Variants in NDUFAF4 observed in about 807,000 individuals in gnomAD.
NDUFAF4 encodes NADH dehydrogenase [ubiquinone] 1 alpha subcomplex assembly factor 4.
Under a neutral mutation model 15.6 loss-of-function variants are expected in NDUFAF4, and 10 were observed. The ratio of observed to expected loss-of-function variants is 0.64; its 90% CI spans 0.40 to 1.09. The LOEUF is 1.09. Among genes scored for constraint, NDUFAF4 ranks in the 50% least tolerant of loss-of-function variants. The pLI is 0.01. For missense variants in NDUFAF4, 203 were observed against 207.3 expected (o/e 0.98, Z 0.13); for synonymous variants, 77 against 73.3 (o/e 1.05, Z -0.26).
At chr6:96,897,644 G>A (rs1328163652) in intron 1 of NDUFAF4, 22 bp downstream of exon 1, 1 of 1,612,816 alleles carries the variant, frequency 6.2e-7, no homozygotes. Context: ...CCCGGGCCCC[G>A]AAACGCCCTC....
chr6:96,892,199 A>G (rs1775324771), intron 2 of NDUFAF4, among the ~76,000 whole-genome samples: 1 of 152,100 alleles, frequency 6.6e-6, no homozygotes, highest in Admixed American at 6.6e-5. Flanking sequence ...AACACCTTGA[A>G]TGAATTGAAA....
chr6:96,892,562 T>A (rs565676607), intron 2 of NDUFAF4, among the ~76,000 whole-genome samples: 1 of 152,184 alleles, frequency 6.6e-6, no homozygotes, highest in Non-Finnish European at 1.5e-5. Flanking sequence ...CTATCTCTAA[T>A]GACTGCCTAG....
intron 2 of NDUFAF4, among the ~76,000 whole-genome samples, chr6:96,896,499 A>C (rs1282073701): frequency 6.6e-6 from 1 of 152,256 alleles, no homozygotes; most frequent in African/African-American, 2.4e-5. Flanking sequence ...ACTATGAAAT[A>C]ATTCACACAG....
Position 96,891,364 on chromosome 6 carries a change from G to A in NDUFAF4, c.268C>T (p.Pro90Ser), listed in dbSNP as rs1775313687. 6.2e-7 allele frequency: 1 copy of A among 1,611,664 alleles called. No homozygotes were observed. The highest frequency in any genetic ancestry group is 8.5e-7 in the Non-Finnish European group (1 of 1,179,584). ...TCTTTCGGCAATCTGAATTCCTTCG[G>A]CTCTTGACATGTTTCAGCAGCTTTT... ...QVKAAETCQE[P>S]KEFRLPKDHH... is the part of the protein sequence containing the mutation. Residue 90 changes from proline to serine, a missense_variant, in exon 3 of 3, where the codon CCG becomes TCG. Physicochemically the swap from Pro to Ser is moderately conservative, Grantham distance 74. Coordinates refer to ENST00000316149, the MANE Select transcript of NDUFAF4 (RefSeq NM_014165.4).
intron 2 of NDUFAF4, among the ~76,000 whole-genome samples, chr6:96,892,652 T>C (rs903045285): frequency 6.6e-6 from 1 of 152,150 alleles, no homozygotes; most frequent in Non-Finnish European, 1.5e-5. Flanking sequence ...TGCTGACCAC[T>C]CCAATGTACT....
At chr6:96,896,900 T>C in intron 1 of NDUFAF4, 53 bp from the exon 2 acceptor site, 1 of 1,236,896 alleles carries the variant, frequency 8.1e-7, no homozygotes. Flanking sequence ...TTTCCTGTAA[T>C]ATCCTAAACG....
At position 96,896,797 on chromosome 6, in the gene NDUFAF4, A is replaced by C. The variant is rs768858162; in HGVS notation, c.187T>G (p.Ser63Ala). The C allele has an allele frequency of 1.4e-5, 22 of 1,613,828 alleles. No individual in the cohort carries two copies. In the South Asian group the frequency reaches 2.4e-4, roughly 18 times the overall value. The change falls in exon 2 of 3, where the codon TCG (serine) becomes GCG (alanine). Residue 63 changes from serine to alanine, a missense_variant. By Grantham distance (99) the Ser-to-Ala change is moderately conservative. Coordinates refer to ENST00000316149, the MANE Select transcript of NDUFAF4 (RefSeq NM_014165.4). ...TCAACATACACATCTTTTAGAAACG[A>C]CAGCAGCTTTTCATCTTTACGAGCA... is the stretch of plus-strand genomic sequence containing the variant. ...EIARKDEKLL[S>A]FLKDVYVDSK...
chr6:96,892,769 T>A (rs1030310712), intron 2 of NDUFAF4, among the ~76,000 whole-genome samples: 2 of 152,072 alleles, frequency 1.3e-5, no homozygotes, highest in African/African-American at 4.8e-5. Context: ...TCCTTTTGCT[T>A]ACCCTTAAAT....
intron 1 of NDUFAF4, among the ~76,000 whole-genome samples, chr6:96,897,421 C>G (rs1775396979): frequency 6.6e-6 from 1 of 152,178 alleles, no homozygotes; most frequent in Admixed American, 6.5e-5. Context: ...GCCTGGTTAG[C>G]GGGAGCACTG....
In NDUFAF4 at chr6:96,891,384, G is replaced by A. The variant is rs746642079; in HGVS notation, c.248C>T (p.Ala83Val). The change falls in exon 3 of 3, where the codon GCT (alanine) becomes GTT (valine). Residue 83 changes from alanine (A) to valine (V), a missense_variant. By Grantham distance (64) the Ala-to-Val change is moderately conservative. Transcript: ENST00000316149. The part of the protein sequence containing the change: ...KDPVSSLQVK[A>V]AETCQEPKEF... ...CTTCGGCTCTTGACATGTTTCAGCA[G>A]CTTTTACCTAGTATCAAAAAAAAAA... The A allele has an allele frequency of 6.3e-7, 1 of 1,578,894 alleles. No individual in the cohort carries two copies. The highest frequency in any genetic ancestry group is 8.5e-7 in the Non-Finnish European group (1 of 1,169,820).
intron 2 of NDUFAF4, among the ~76,000 whole-genome samples, chr6:96,892,615 A>C (rs756618336): frequency 1.3e-5 from 2 of 152,144 alleles, no homozygotes; most frequent in Non-Finnish European, 2.9e-5. Flanking sequence ...ATTTGAACTC[A>C]CTATAGTATC....
Position 96,891,070 on chromosome 6 carries a change from G to A in NDUFAF4, c.*34C>T. 11 of 1,578,686 alleles carry A rather than the reference G, an allele frequency of 7.0e-6. No homozygotes were observed. Among genetic ancestry groups the A allele is most frequent in the Non-Finnish European group, 9.6e-6 (11 of 1,151,448 alleles). ...TGAGAAAATATACAGCAGGAGGGAT[G>A]AGGAGTACACATAGGAAATTTCTGT... On this transcript the variant is annotated 3_prime_UTR_variant, in exon 3 of 3. Coordinates refer to ENST00000316149, the MANE Select transcript of NDUFAF4 (RefSeq NM_014165.4).
rs1264702464 is a variant in NDUFAF4, at chr6:96,891,255, T to C, written c.377A>G (p.His126Arg). Residue 126 changes from histidine (H) to arginine (R), a missense_variant, in exon 3 of 3, where the codon CAT becomes CGT. By Grantham distance (29) the His-to-Arg change is conservative (BLOSUM62 0). Transcript: ENST00000316149. ...AGTCCAGGTTTCTGGGAAAAGCTTA[T>C]GATTATTGAGAAGTGTCAATGCTTC... ...IVEALTLLNN[H>R]KLFPETWTAE... 5 of 1,613,900 alleles carry C rather than the reference T, an allele frequency of 3.1e-6. No homozygotes were observed. The highest frequency in any genetic ancestry group is 3.4e-6 in the Non-Finnish European group (4 of 1,179,860).
At chr6:96,893,949 T>C (rs904644393) in intron 2 of NDUFAF4, among the ~76,000 whole-genome samples, 1 of 152,124 alleles carries the variant, frequency 6.6e-6, no homozygotes, top group Non-Finnish European at 1.5e-5. Flanking sequence ...AAAGAGAAGT[T>C]TTTAATTCTA....
In NDUFAF4 at chr6:96,890,215, C is replaced by G. The variant is rs1008775805; in HGVS notation, c.*889G>C. 6.6e-6 allele frequency: 1 copy of G among 152,130 alleles called. No homozygotes were observed. The highest frequency in any genetic ancestry group is 2.4e-5 in the African/African-American group (1 of 41,436). The allele number at this position is 152,130 out of a possible 1,614,324, so 9.4% of individuals were successfully genotyped here. A position where few individuals can be genotyped will look rare whatever the true frequency, so the allele number is the denominator to read the frequency against. On this transcript the variant is annotated 3_prime_UTR_variant, in exon 3 of 3. Coordinates refer to ENST00000316149, the MANE Select transcript of NDUFAF4 (RefSeq NM_014165.4). Reference sequence around the variant, plus strand: ...CCAATGATCCTGTTCTCTGCTTCTACTTGCTATCTTTTTCTCTTCTCTCAA... The same window carrying G: ...CCAATGATCCTGTTCTCTGCTTCTAGTTGCTATCTTTTTCTCTTCTCTCAA...
rs1257677158 is a variant in NDUFAF4, at chr6:96,890,877, G to C, written c.*227C>G. 6.2e-6 allele frequency: 3 copies of C among 481,182 alleles called. No homozygotes were observed. Among genetic ancestry groups the C allele is most frequent in the African/African-American group, 5.8e-5 (3 of 51,420 alleles). 29.8% of individuals were successfully genotyped at this position (481,182 alleles called of 1,614,324 possible). A position where few individuals can be genotyped will look rare whatever the true frequency, so the allele number is the denominator to read the frequency against. ...CATAATAAAGGTACAGATGTGCTCA[G>C]TCATGCTGACATGCACTTATGAAAT... On this transcript the variant is annotated 3_prime_UTR_variant, in exon 3 of 3. Coordinates refer to ENST00000316149, the MANE Select transcript of NDUFAF4 (RefSeq NM_014165.4).
rs1775369280 is a variant in NDUFAF4, at chr6:96,896,228, T to C, written c.240+516A>G. The C allele has an allele frequency of 7.0e-5, 12 of 170,364 alleles. No homozygotes were observed. The South Asian group carries it at 1.7e-3, about 24-fold the overall frequency. The allele number at this position is 170,364 out of a possible 1,614,324, so 10.6% of individuals were successfully genotyped here. A position where few individuals can be genotyped will look rare whatever the true frequency, so the allele number is the denominator to read the frequency against. On this transcript the variant is annotated intron_variant, in intron 2 of 2. Coordinates refer to ENST00000316149, the MANE Select transcript of NDUFAF4 (RefSeq NM_014165.4). ...TGCCCAGGACTTACATAATACAGAA[T>C]ATGGATTTACACATAGGTTCCCATT...
intron 2 of NDUFAF4, among the ~76,000 whole-genome samples, chr6:96,892,657 T>C (rs1378499123): frequency 6.6e-6 from 1 of 152,146 alleles, no homozygotes; most frequent in East Asian, 1.9e-4. Flanking sequence ...ACCACTCCAA[T>C]GTACTTATAA....
intron 1 of NDUFAF4, 38 bp from the exon 2 acceptor site, chr6:96,896,885 G>A (rs1349745254): frequency 6.9e-7 from 1 of 1,451,474 alleles, no homozygotes; most frequent in Non-Finnish European, 9.7e-7. Context: ...TAAAATCAAG[G>A]AAAATTTCCT....
Sources: gnomAD v4.1 joint callset for allele counts (sites outside exome capture counted in the v4.1 genomes callset) on GRCh38, gnomAD v4.1.1 for gene constraint, MANE v1.5 for transcripts, NCBI Gene and HGNC (gene_info 2026-07-23, HGNC 2026-07-21) for gene names.